Variants in CLIC2 observed in about 807,000 individuals in gnomAD.
The protein encoded by CLIC2 is chloride intracellular channel protein 2.
Under a neutral mutation model 14.8 loss-of-function variants are expected in CLIC2, and 9 were observed. The ratio of observed to expected loss-of-function variants is 0.61; its 90% CI spans 0.37 to 1.06. CLIC2 has a LOEUF of 1.06. Among genes scored for constraint, CLIC2 ranks in the 50% least tolerant of loss-of-function variants. The pLI is 0.01. For missense variants in CLIC2, 148 were observed against 181.4 expected, an observed-to-expected ratio of 0.82 and a Z score of 1.06; for synonymous variants, 61 against 66.3, an observed-to-expected ratio of 0.92 and a Z score of 0.39.
intron 3 of CLIC2, chrX:155,290,487 C>T: frequency 1.9e-6 from 1 of 538,158 alleles, no homozygotes; most frequent in South Asian, 2.6e-5. Context: ...CATTGTCTAT[C>T]TCAATCTTTC....
Position 155,325,291 on chromosome X carries a change from A to G in CLIC2, c.57+9080T>C, listed in dbSNP as rs1238296397. ...CCAAAGGATTATAAATCATTCTACC[A>G]TAAAGGCACATGCACACATATGTTT... is the stretch of plus-strand genomic sequence containing the variant. On this transcript the variant is annotated intron_variant, in intron 1 of 5. Coordinates refer to ENST00000369449, the MANE Select transcript of CLIC2 (RefSeq NM_001289.6). 3.6e-5 allele frequency among the ~76,000 whole-genome samples: 4 copies of G among 111,852 alleles called. No individual in the cohort carries two copies. In the Admixed American group the frequency reaches 3.8e-4, roughly 11 times the overall value.
chrX:155,320,927 C>A (rs2075112128), intron 1 of CLIC2, among the ~76,000 whole-genome samples: 3 of 111,381 alleles, frequency 2.7e-5, no homozygotes, highest in Admixed American at 9.5e-5. Flanking sequence ...ACACAAGTAT[C>A]AATAGCCAAA....
intron 3 of CLIC2, chrX:155,292,261 G>A (rs1366372196): frequency 1.1e-5 from 6 of 570,753 alleles, no homozygotes; most frequent in Admixed American, 2.2e-5. Context: ...CTCACAAGGA[G>A]AAACTCTACC....
At chrX:155,310,751 G>A (rs933234583) in intron 1 of CLIC2, among the ~76,000 whole-genome samples, 2 of 112,418 alleles carry the variant, frequency 1.8e-5, no homozygotes, top group Non-Finnish European at 3.8e-5. Context: ...GCCCCACCCC[G>A]AAGCAAACTC....
chrX:155,289,796 TA>T (rs1213704578), intron 3 of CLIC2, among the ~76,000 whole-genome samples: 3 of 111,242 alleles, frequency 2.7e-5, no homozygotes, highest in Non-Finnish European at 3.8e-5. Flanking sequence ...TAATGCTGTT[TA>T]AAAAAAAGTC....
intron 1 of CLIC2, among the ~76,000 whole-genome samples, chrX:155,304,954 C>T (rs1391653355): frequency 8.7e-5 from 9 of 103,957 alleles, no homozygotes; most frequent in African/African-American, 1.7e-4. Context: ...TCTCCAGCTG[C>T]GTGCTGGGAG....
intron 3 of CLIC2, chrX:155,290,613 T>C: frequency 1.3e-6 from 1 of 772,647 alleles, no homozygotes; most frequent in Non-Finnish European, 2.0e-6. Context: ...GGGCATTGAA[T>C]AGATAAAAAC....
chrX:155,317,219 A>C lies in CLIC2; in HGVS notation c.57+17152T>G, dbSNP rs149472284. Among the ~76,000 whole-genome samples, 769 of 112,033 alleles carry C rather than the reference A, an allele frequency of 6.9e-3. 7 individuals are homozygous for C. The highest frequency in any genetic ancestry group is 0.024 in the African/African-American group (729 of 30,884). On this transcript the variant is annotated intron_variant, in intron 1 of 5. Transcript: ENST00000369449. Reference sequence around the variant, plus strand: ...AGAAAAGAAATAAAGATCAGAGCAGAACTAAGTGAAATTGAAACAAACAAA... The same window carrying C: ...AGAAAAGAAATAAAGATCAGAGCAGCACTAAGTGAAATTGAAACAAACAAA...
intron 3 of CLIC2, chrX:155,290,924 C>A: frequency 1.4e-6 from 1 of 700,793 alleles, no homozygotes; most frequent in Non-Finnish European, 2.3e-6. Context: ...ATAATTCTTC[C>A]TCAGCTGCAG....
chrX:155,314,373 T>C lies in CLIC2; in HGVS notation c.58-15228A>G, dbSNP rs1203939421. The stretch of plus-strand genomic sequence containing the variant: ...CTACCAGAGCAGGTGCTGGTATCCA[T>C]GGCCAAAAGACATGAAGATGGGTCA... On this transcript the variant is annotated intron_variant, in intron 1 of 5. Transcript: ENST00000369449. Among the ~76,000 whole-genome samples the C allele has an allele frequency of 2.7e-5, 3 of 112,398 alleles. No homozygotes were observed. In the East Asian group the frequency reaches 8.4e-4, roughly 32 times the overall value.
At chrX:155,327,203 A>C (rs1408632927) in intron 1 of CLIC2, among the ~76,000 whole-genome samples, 2 of 111,757 alleles carry the variant, frequency 1.8e-5, no homozygotes, top group African/African-American at 6.5e-5. Context: ...ACACACATAC[A>C]TACAGATAAT....
At chrX:155,297,954 G>A (rs964208713) in intron 3 of CLIC2, among the ~76,000 whole-genome samples, 3 of 106,171 alleles carry the variant, frequency 2.8e-5, no homozygotes, top group Middle Eastern at 4.8e-3. Flanking sequence ...GCCATGTTGC[G>A]AAATGCCTAT....
intron 1 of CLIC2, among the ~76,000 whole-genome samples, chrX:155,312,097 T>A (rs1245403045): frequency 8.9e-6 from 1 of 111,984 alleles, no homozygotes; most frequent in African/African-American, 3.2e-5. Context: ...ATTAAAATGA[T>A]CATTCATTCT....
At chrX:155,296,421 T>G (rs188530863) in intron 3 of CLIC2, among the ~76,000 whole-genome samples, 6 of 111,465 alleles carry the variant, frequency 5.4e-5, no homozygotes, top group East Asian at 5.6e-4. Context: ...AGAGAAAACC[T>G]AGGGAAAATT....
chrX:155,331,831 G>A (rs1189041999), intron 1 of CLIC2, among the ~76,000 whole-genome samples: 1 of 110,796 alleles, frequency 9.0e-6, no homozygotes, highest in Non-Finnish European at 1.9e-5. Context: ...GTCTTTATAA[G>A]TATTTATAAT....
In CLIC2 at chrX:155,302,912, A is replaced by C. The variant is rs1196182707; in HGVS notation, c.58-3767T>G. 1.3e-4 allele frequency among the ~76,000 whole-genome samples: 11 copies of C among 87,753 alleles called. No homozygotes were observed. In the Admixed American group the frequency reaches 1.3e-3, roughly 11 times the overall value. 76.2% of individuals were successfully genotyped at this position (87,753 alleles called of 115,157 possible). A position where few individuals can be genotyped will look rare whatever the true frequency, so the allele number is the denominator to read the frequency against. ...GTTTTGAGTGAGATTCTTAATCCTG[A>C]GTTCTAGTTTGATTGCACTGTGGTC... On this transcript the variant is annotated intron_variant, in intron 1 of 5. Transcript: ENST00000369449.
intron 1 of CLIC2, among the ~76,000 whole-genome samples, chrX:155,308,006 A>G (rs1395899046): frequency 9.0e-6 from 1 of 110,992 alleles, no homozygotes; most frequent in Non-Finnish European, 1.9e-5. Context: ...TAATGCCCAG[A>G]TGTAGATAAA....
chrX:155,302,422 G>A (rs1295260857), intron 1 of CLIC2, among the ~76,000 whole-genome samples: 1 of 110,145 alleles, frequency 9.1e-6, no homozygotes, highest in African/African-American at 3.3e-5. Flanking sequence ...AATCAGTGGT[G>A]ATATCCCCTT....
intron 2 of CLIC2, 26 bp downstream of exon 2, chrX:155,299,010 A>C: frequency 8.5e-7 from 1 of 1,180,820 alleles, no homozygotes; most frequent in Non-Finnish European, 1.2e-6. Context: ...AATTCCTAGA[A>C]TTTAACATGT....
Sources: gnomAD v4.1 joint callset for allele counts (sites outside exome capture counted in the v4.1 genomes callset) on GRCh38, gnomAD v4.1.1 for gene constraint, MANE v1.5 for transcripts, NCBI Gene and HGNC (gene_info 2026-07-23, HGNC 2026-07-21) for gene names.